The following CAB39 variants were observed in gnomAD, a reference collection of about 807,000 sequenced individuals.
CAB39 encodes calcium binding protein 39.
Under a neutral mutation model 40.0 loss-of-function variants are expected in CAB39, and 8 were observed. The ratio of observed to expected loss-of-function variants is 0.20; its 90% CI spans 0.12 to 0.36. The LOEUF (loss-of-function observed/expected upper bound fraction) is 0.36. Among genes scored for constraint, CAB39 ranks in the 10% least tolerant of loss-of-function variants. CAB39 has a pLI of 1.00. For synonymous variants in CAB39, 156 were observed against 141.6 expected (o/e 1.10, Z -0.72); for missense variants, 270 against 401.1 (o/e 0.67, Z 2.79).
At chr2:230,773,314 A>ATATATG (rs371297550) in intron 2 of CAB39, among the ~76,000 whole-genome samples, 48 of 132,684 alleles carry the variant, frequency 3.6e-4, no homozygotes, top group Admixed American at 1.2e-3. Context: ...ATATATATAT[A>ATATATG]TGTGTGTGTG....
chr2:230,783,847 A>G (rs1000137238), intron 2 of CAB39, among the ~76,000 whole-genome samples: 1 of 152,182 alleles, frequency 6.6e-6, no homozygotes, highest in Non-Finnish European at 1.5e-5. Flanking sequence ...TGGTATGATA[A>G]CATCACATTT....
intron 2 of CAB39, among the ~76,000 whole-genome samples, chr2:230,773,636 T>C (rs574021870): frequency 6.6e-6 from 1 of 152,074 alleles, no homozygotes; most frequent in Admixed American, 6.6e-5. Flanking sequence ...AACTCTACTG[T>C]GAGGAACAGT....
chr2:230,811,669 A>G (rs778582208), intron 6 of CAB39, among the ~76,000 whole-genome samples: 1 of 152,226 alleles, frequency 6.6e-6, no homozygotes, highest in African/African-American at 2.4e-5. Flanking sequence ...CTCTTCATAT[A>G]GTACCTGTCT....
At chr2:230,806,113 A>G (rs555653145) in intron 5 of CAB39, among the ~76,000 whole-genome samples, 1 of 152,332 alleles carries the variant, frequency 6.6e-6, no homozygotes, top group East Asian at 1.9e-4. Context: ...AATAATAAAT[A>G]CAAAATGAGA....
rs550111756 is a variant in CAB39, at chr2:230,782,982, T to TTTTG, written c.115-7886_115-7883dup. 2.8e-3 allele frequency among the ~76,000 whole-genome samples: 417 copies of TTTTG among 150,802 alleles called. 1 individual carries two copies. The highest frequency in any genetic ancestry group is 9.6e-3 in the African/African-American group (394 of 40,838). Reference sequence around the variant, plus strand: ...CGCTGACCACCACGCCTGGCTAATTTTTTGTTTTTGTTTTTGTTTTTGTTT... The same window carrying TTTTG: ...CGCTGACCACCACGCCTGGCTAATTTTTTGTTTGTTTTTGTTTTTGTTTTTGTTT... On this transcript the variant is annotated intron_variant, in intron 2 of 8. Coordinates refer to ENST00000258418, the MANE Select transcript of CAB39 (RefSeq NM_016289.4).
At chr2:230,722,370 T>G (rs1460507562) in intron 1 of CAB39, among the ~76,000 whole-genome samples, 1 of 152,176 alleles carries the variant, frequency 6.6e-6, no homozygotes, top group African/African-American at 2.4e-5. Context: ...TTGCCCAGGC[T>G]GGCCTCAAAC....
chr2:230,727,793 A>G (rs1694613463), intron 1 of CAB39, among the ~76,000 whole-genome samples: 1 of 152,164 alleles, frequency 6.6e-6, no homozygotes, highest in African/African-American at 2.4e-5. Context: ...CTCCAGACCC[A>G]GTTAGCATAG....
At chr2:230,787,973 C>T (rs567982931) in intron 2 of CAB39, among the ~76,000 whole-genome samples, 1 of 152,280 alleles carries the variant, frequency 6.6e-6, no homozygotes, top group East Asian at 1.9e-4. Context: ...TCCTGCATTA[C>T]TGGACACTGG....
chr2:230,734,873 C>T (rs1481269962), intron 1 of CAB39, among the ~76,000 whole-genome samples: 1 of 152,132 alleles, frequency 6.6e-6, no homozygotes, highest in Non-Finnish European at 1.5e-5. Flanking sequence ...GTGCCCCACC[C>T]GGGTGGAACA....
intron 7 of CAB39, among the ~76,000 whole-genome samples, chr2:230,816,411 C>T (rs1696401710): frequency 6.6e-6 from 1 of 152,222 alleles, no homozygotes; most frequent in African/African-American, 2.4e-5. Context: ...TTGCTTCTCA[C>T]CGTAAGAATA....
chr2:230,713,494 C>T (rs1377998632), intron 1 of CAB39: 1 of 152,606 alleles, frequency 6.6e-6, no homozygotes, highest in Non-Finnish European at 1.5e-5. Context: ...GCGCTCCTGC[C>T]TCTCCCCCCG....
At chr2:230,812,420 T>C (rs560708482) in intron 6 of CAB39, among the ~76,000 whole-genome samples, 1 of 152,256 alleles carries the variant, frequency 6.6e-6, no homozygotes, top group African/African-American at 2.4e-5. Flanking sequence ...GAAGAAAAAA[T>C]CTAACATAAC....
chr2:230,804,495 A>T (rs1696153880), intron 5 of CAB39, among the ~76,000 whole-genome samples: 1 of 152,252 alleles, frequency 6.6e-6, no homozygotes, highest in Admixed American at 6.5e-5. Flanking sequence ...CAATCTACCC[A>T]TCTGACAAAG....
Position 230,790,990 on chromosome 2 carries a change from G to T in CAB39, c.233G>T (p.Gly78Val). 2 of 1,610,656 alleles carry T rather than the reference G, an allele frequency of 1.2e-6. No individual in the cohort carries two copies. The highest frequency in any genetic ancestry group is 1.3e-5 in the African/African-American group (1 of 74,768). ...CTTGCTCAAGAACTCTATAATAGTG[G>T]GCTCCTTAGCACCCTGGTAGCTGAT... ...AQLAQELYNS[G>V]LLSTLVADLQ... Residue 78 changes from glycine (G) to valine (V), a missense_variant, in exon 3 of 9, where the codon GGG becomes GTG. Physicochemically the swap from Gly to Val is moderately radical, Grantham distance 109 (BLOSUM62 -3). Coordinates refer to ENST00000258418, the MANE Select transcript of CAB39 (RefSeq NM_016289.4).
intron 1 of CAB39, among the ~76,000 whole-genome samples, chr2:230,757,299 T>C (rs1695209772): frequency 6.6e-6 from 1 of 152,078 alleles, no homozygotes; most frequent in Non-Finnish European, 1.5e-5. Context: ...TCTCCCTATG[T>C]TGCCGAGGCT....
chr2:230,755,082 A>G (rs1306360347), intron 1 of CAB39, among the ~76,000 whole-genome samples: 1 of 152,050 alleles, frequency 6.6e-6, no homozygotes, highest in African/African-American at 2.4e-5. Flanking sequence ...CACACACTCA[A>G]CAGTTTCTTT....
chr2:230,788,247 T>G (rs1056111593), intron 2 of CAB39, among the ~76,000 whole-genome samples: 3 of 99,736 alleles, frequency 3.0e-5, no homozygotes, highest in Non-Finnish European at 4.6e-5. Context: ...TGTTTTTCGG[T>G]TTTTTTTTTT....
rs75725163 is a variant in CAB39, at chr2:230,780,442, T to C, written c.115-10430T>C. On this transcript the variant is annotated intron_variant, in intron 2 of 8. Coordinates refer to ENST00000258418, the MANE Select transcript of CAB39 (RefSeq NM_016289.4). ...GTCCTTTTTCTGAACCAAAATCTAATTCAGGATCACACGTTACATGTAAGG... is the reference window on the plus strand; with the variant it reads ...GTCCTTTTTCTGAACCAAAATCTAACTCAGGATCACACGTTACATGTAAGG... Among the ~76,000 whole-genome samples the C allele has an allele frequency of 3.4e-4, 52 of 152,346 alleles. 1 individual carries two copies. The East Asian group carries it at 9.5e-3, about 28-fold the overall frequency.
intron 1 of CAB39, among the ~76,000 whole-genome samples, chr2:230,729,369 A>G (rs1370918962): frequency 6.6e-6 from 1 of 152,250 alleles, no homozygotes; most frequent in Non-Finnish European, 1.5e-5. Context: ...AGACTTAACT[A>G]TTGGAAACTG....
Sources: gnomAD v4.1 joint callset for allele counts (sites outside exome capture counted in the v4.1 genomes callset) on GRCh38, gnomAD v4.1.1 for gene constraint, MANE v1.5 for transcripts, NCBI Gene and HGNC (gene_info 2026-07-23, HGNC 2026-07-21) for gene names.